RANBP2: variants seen among roughly 807,000 people sequenced by gnomAD.
RANBP2 encodes the protein E3 SUMO-protein ligase RanBP2.
Under a neutral mutation model 303.6 loss-of-function variants are expected in RANBP2, and 57 were observed. The observed-to-expected ratio is 0.19, with a 90% CI of 0.15 to 0.23. RANBP2 has a LOEUF of 0.23. RANBP2 is among the 10% of genes least tolerant of loss of function. RANBP2 has a pLI of 1.00. For synonymous variants in RANBP2, 1,167 were observed against 1,301.5 expected, an observed-to-expected ratio of 0.90 and a Z score of 2.23; for missense variants, 3,138 against 3,780.8, an observed-to-expected ratio of 0.83 and a Z score of 4.46.
chr2:109,541,918 C>A, the RANBP2 span, among the ~76,000 whole-genome samples: 1 of 152,164 alleles, frequency 6.6e-6, no homozygotes, highest in Non-Finnish European at 1.5e-5. Context: ...AATAGGAACA[C>A]GGGGCTTACA....
chr2:108,975,221 G>A, the RANBP2 span, among the ~76,000 whole-genome samples: 8 of 152,208 alleles, frequency 5.3e-5, no homozygotes, highest in Non-Finnish European at 7.3e-5. Flanking sequence ...AGGAGAGAGA[G>A]GATCTGAACA....
the RANBP2 span, among the ~76,000 whole-genome samples, chr2:108,969,283 C>T: frequency 1.3e-5 from 2 of 152,094 alleles, no homozygotes; most frequent in Non-Finnish European, 2.9e-5. Flanking sequence ...TAGATATGCA[C>T]TTTGATTCTG....
chr2:108,958,182 C>T, the RANBP2 span, among the ~76,000 whole-genome samples: 1 of 152,102 alleles, frequency 6.6e-6, no homozygotes. Flanking sequence ...GGCCTTTATA[C>T]AAAGAAGTGT....
At chr2:109,019,758 CCTAA>C in the RANBP2 span, among the ~76,000 whole-genome samples, 33 of 152,322 alleles carry the variant, frequency 2.2e-4, no homozygotes, top group Admixed American at 1.7e-3. Context: ...CATCCATCTT[CCTAA>C]CTATCTGGAA....
At chr2:108,959,053 G>C in the RANBP2 span, among the ~76,000 whole-genome samples, 1 of 152,254 alleles carries the variant, frequency 6.6e-6, no homozygotes, top group East Asian at 1.9e-4. Context: ...ATCATGCTTA[G>C]AAAGTGGGTT....
chr2:109,388,737 G>T, the RANBP2 span, among the ~76,000 whole-genome samples: 1 of 152,336 alleles, frequency 6.6e-6, no homozygotes, highest in East Asian at 1.9e-4. Flanking sequence ...GATGAAGTAG[G>T]CTCTAATCCT....
the RANBP2 span, among the ~76,000 whole-genome samples, chr2:109,468,870 A>G: frequency 2.0e-5 from 3 of 151,082 alleles, no homozygotes; most frequent in Non-Finnish European, 2.9e-5. Flanking sequence ...AAAAAAAAAA[A>G]AAAAAAGTTA....
At chr2:109,095,104 A>T in the RANBP2 span, among the ~76,000 whole-genome samples, 1 of 152,166 alleles carries the variant, frequency 6.6e-6, no homozygotes, top group African/African-American at 2.4e-5. Flanking sequence ...AAATTGTTCA[A>T]TTTACCTACT....
At chr2:109,352,544 G>A in the RANBP2 span, among the ~76,000 whole-genome samples, 1 of 152,220 alleles carries the variant, frequency 6.6e-6, no homozygotes, top group Non-Finnish European at 1.5e-5. Context: ...CCGAGACGAT[G>A]AGGAAACTTT....
chr2:109,631,840 T>C, the RANBP2 span, among the ~76,000 whole-genome samples: 1 of 152,152 alleles, frequency 6.6e-6, no homozygotes, highest in African/African-American at 2.4e-5. Flanking sequence ...ATTCCTGGTA[T>C]GGAGACTCTA....
the RANBP2 span, among the ~76,000 whole-genome samples, chr2:109,515,112 A>G: frequency 2.0e-5 from 3 of 152,202 alleles, no homozygotes; most frequent in Admixed American, 2.0e-4. Flanking sequence ...TTTACCGCAC[A>G]TGCTGGATGT....
the RANBP2 span, among the ~76,000 whole-genome samples, chr2:109,063,487 G>C: frequency 6.6e-6 from 1 of 152,182 alleles, no homozygotes; most frequent in South Asian, 2.1e-4. Context: ...ATGCAGCAGA[G>C]GCCCCCGCGT....
chr2:109,167,629 C>T, the RANBP2 span, among the ~76,000 whole-genome samples: 7 of 152,206 alleles, frequency 4.6e-5, no homozygotes, highest in Admixed American at 1.3e-4. Flanking sequence ...TGGAGTGCAG[C>T]GGCACGATCT....
At chr2:109,447,680 T>C in the RANBP2 span, among the ~76,000 whole-genome samples, 1 of 152,176 alleles carries the variant, frequency 6.6e-6, no homozygotes. Flanking sequence ...GTTCATTCTC[T>C]CCCAGCATTT....
chr2:108,732,817 G>GT (rs1404894879), intron 4 of RANBP2, among the ~76,000 whole-genome samples: 1 of 151,892 alleles, frequency 6.6e-6, no homozygotes, highest in Non-Finnish European at 1.5e-5. Context: ...AGTATGTGAC[G>GT]TTTTTTTCTT....
the RANBP2 span, chr2:108,794,597 C>T: frequency 6.2e-7 from 1 of 1,614,034 alleles, no homozygotes; most frequent in Non-Finnish European, 8.5e-7. Flanking sequence ...TGTAGTGATG[C>T]AGGTGACTCT....
the RANBP2 span, among the ~76,000 whole-genome samples, chr2:109,016,493 T>C: frequency 6.6e-6 from 1 of 152,218 alleles, no homozygotes; most frequent in African/African-American, 2.4e-5. Flanking sequence ...ATTTGAGGTT[T>C]GACCATGTGA....
the RANBP2 span, among the ~76,000 whole-genome samples, chr2:109,122,505 G>A: frequency 1.3e-5 from 2 of 152,300 alleles, no homozygotes; most frequent in African/African-American, 4.8e-5. Flanking sequence ...TGGGTAGCAG[G>A]GATAAGAGAA....
chr2:109,012,900 C>A, the RANBP2 span, among the ~76,000 whole-genome samples: 5 of 152,080 alleles, frequency 3.3e-5, no homozygotes, highest in African/African-American at 9.7e-5. Flanking sequence ...GGCGACAGAG[C>A]GAGACTCCAT....
Sources: gnomAD v4.1 joint callset for allele counts (sites outside exome capture counted in the v4.1 genomes callset) on GRCh38, gnomAD v4.1.1 for gene constraint, MANE v1.5 for transcripts, NCBI Gene and HGNC (gene_info 2026-07-23, HGNC 2026-07-21) for gene names.